ULK4: variants seen among roughly 807,000 people sequenced by gnomAD.
ULK4 encodes inactive serine/threonine-protein kinase ULK4.
ULK4 carries 133 observed loss-of-function variants against 160.6 expected under a neutral mutation model. The observed-to-expected ratio is 0.83, with a 90% CI of 0.72 to 0.96. The LOEUF (loss-of-function observed/expected upper bound fraction) is 0.96. Ranked by LOEUF, ULK4 falls within the 40% of genes least tolerant of loss-of-function variation. The pLI is 0.00. For missense variants in ULK4, 1,580 were observed against 1,499.5 expected, an observed-to-expected ratio of 1.05 and a Z score of -0.89; for synonymous variants, 534 against 539.8, an observed-to-expected ratio of 0.99 and a Z score of 0.15.
intron 35 of ULK4, among the ~76,000 whole-genome samples, chr3:41,274,843 AC>A: frequency 6.6e-6 from 1 of 152,278 alleles, no homozygotes; most frequent in Non-Finnish European, 1.5e-5. Flanking sequence ...GGATTCATGT[AC>A]CAAGGACTTC....
At chr3:41,524,215 A>T (rs2086031620) in intron 32 of ULK4, among the ~76,000 whole-genome samples, 1 of 152,196 alleles carries the variant, frequency 6.6e-6, no homozygotes, top group African/African-American at 2.4e-5. Context: ...ATACACTAAA[A>T]ACCACTGAAT....
chr3:41,640,690 G>C lies in ULK4; in HGVS notation c.3071+22917C>G, dbSNP rs543480069. Among the ~76,000 whole-genome samples, 5 of 152,274 alleles carry C rather than the reference G, an allele frequency of 3.3e-5. No homozygotes were observed. In the South Asian group the frequency reaches 1.0e-3, roughly 32 times the overall value. On this transcript the variant is annotated intron_variant, in intron 30 of 36. Transcript: ENST00000301831. The stretch of plus-strand genomic sequence containing the variant: ...ATATGGCCAAAGGCATAGTGTACCT[G>C]AGACTTAATCAATATTCTAGATATA...
intron 30 of ULK4, among the ~76,000 whole-genome samples, chr3:41,628,235 C>A (rs1311310756): frequency 6.6e-6 from 1 of 152,094 alleles, no homozygotes; most frequent in Non-Finnish European, 1.5e-5. Flanking sequence ...TCTGTTGGCT[C>A]TAATGATAAA....
At chr3:41,279,736 A>G (rs889521049) in intron 35 of ULK4, among the ~76,000 whole-genome samples, 1 of 152,220 alleles carries the variant, frequency 6.6e-6, no homozygotes, top group Non-Finnish European at 1.5e-5. Flanking sequence ...GAGAAATAAA[A>G]TCCTTTACAA....
chr3:41,387,741 T>C (rs1259383195), intron 35 of ULK4, among the ~76,000 whole-genome samples: 1 of 152,204 alleles, frequency 6.6e-6, no homozygotes, highest in Non-Finnish European at 1.5e-5. Context: ...CCATGGTGTA[T>C]ATGTGCCACA....
intron 19 of ULK4, among the ~76,000 whole-genome samples, chr3:41,805,222 G>A (rs1448227425): frequency 6.6e-6 from 1 of 152,024 alleles, no homozygotes; most frequent in African/African-American, 2.4e-5. Context: ...TGGATTCCTA[G>A]GTATTTTATT....
In ULK4 at chr3:41,281,133, A is replaced by G. The variant is rs142996422; in HGVS notation, c.3679-31559T>C. Among the ~76,000 whole-genome samples the G allele has an allele frequency of 3.2e-3, 488 of 152,310 alleles. 3 individuals are homozygous for G. The highest frequency in any genetic ancestry group is 0.011 in the African/African-American group (458 of 41,566). On this transcript the variant is annotated intron_variant, in intron 35 of 36. Coordinates refer to ENST00000301831, the MANE Select transcript of ULK4 (RefSeq NM_017886.4). ...AGAAGTTGAATCTCTGAACAGACCA[A>G]TAACAGGTTCTGAAATTGAGGCAAT...
In ULK4 at chr3:41,663,681, T is replaced by G. The variant is rs1559470608; in HGVS notation, c.2997A>C (p.Leu999Phe). Residue 999 changes from leucine (L) to phenylalanine (F), a missense_variant, in exon 30 of 37, where the codon TTA (leucine) becomes TTC (phenylalanine). Physicochemically the swap from Leu to Phe is conservative, Grantham distance 22 (BLOSUM62 0). Transcript: ENST00000301831. Reference sequence around the variant, plus strand: ...CATATGCTGGTACTGGGTCAGGTTCTAAAAGAATGTGCTCATACCTGAAAT... The same window carrying G: ...CATATGCTGGTACTGGGTCAGGTTCGAAAAGAATGTGCTCATACCTGAAAT... ...VLLPQYEHIL[L>F]EPDPVPAYAL... 1 of 1,613,904 alleles carries G rather than the reference T, an allele frequency of 6.2e-7. No individual in the cohort carries two copies. Among genetic ancestry groups the G allele is most frequent in the South Asian group, 1.1e-5 (1 of 91,082 alleles).
chr3:41,771,641 G>A (rs947007488), intron 21 of ULK4, among the ~76,000 whole-genome samples: 5 of 151,694 alleles, frequency 3.3e-5, no homozygotes, highest in Admixed American at 2.0e-4. Context: ...CATGTGGTAG[G>A]AAGACCATAA....
intron 32 of ULK4, among the ~76,000 whole-genome samples, chr3:41,517,564 G>A (rs2085791238): frequency 6.6e-6 from 1 of 152,142 alleles, no homozygotes; most frequent in African/African-American, 2.4e-5. Context: ...ATAAATTTCT[G>A]TTCTTCATAA....
At chr3:41,337,062 C>A (rs143424235) in intron 35 of ULK4, among the ~76,000 whole-genome samples, 25 of 152,226 alleles carry the variant, frequency 1.6e-4, no homozygotes, top group Non-Finnish European at 3.1e-4. Flanking sequence ...GCTCCATTTT[C>A]TAGATGGGGA....
At chr3:41,772,082 G>C (rs550392308) in intron 21 of ULK4, among the ~76,000 whole-genome samples, 1 of 152,158 alleles carries the variant, frequency 6.6e-6, no homozygotes, top group Admixed American at 6.5e-5. Context: ...CTGTGTAGAG[G>C]GAAGTTTATA....
chr3:41,526,066 C>G (rs1274206560), intron 32 of ULK4, among the ~76,000 whole-genome samples: 1 of 152,166 alleles, frequency 6.6e-6, no homozygotes, highest in Non-Finnish European at 1.5e-5. Flanking sequence ...CCTAAGCTCC[C>G]CAGTTTGCTC....
chr3:41,609,586 T>C (rs1228252029), intron 31 of ULK4, among the ~76,000 whole-genome samples: 3 of 152,236 alleles, frequency 2.0e-5, no homozygotes, highest in South Asian at 2.1e-4. Flanking sequence ...TGAATGGGTA[T>C]AGATGTAGAT....
At chr3:41,382,806 T>C (rs2081697410) in intron 35 of ULK4, among the ~76,000 whole-genome samples, 1 of 152,190 alleles carries the variant, frequency 6.6e-6, no homozygotes, top group Admixed American at 6.6e-5. Flanking sequence ...ACTTAAAACC[T>C]GACACCAAAC....
chr3:41,831,531 A>ATATATATATATTTTTTTTT lies in ULK4; in HGVS notation c.1764+4332_1764+4333insAAAAAAAAATATATATATA. ...TTATTGTTATTTTATATATATATAT[A>ATATATATATATTTTTTTTT]TTTTTTTTTCTTTCTTAAACTTTAG... On this transcript the variant is annotated intron_variant, in intron 18 of 36. Transcript: ENST00000301831. 9.7e-4 allele frequency among the ~76,000 whole-genome samples: 134 copies of ATATATATATATTTTTTTTT among 138,086 alleles called. 3 individuals are homozygous for ATATATATATATTTTTTTTT. The East Asian group carries it at 0.026, about 26-fold the overall frequency. The allele number at this position is 138,086 out of a possible 152,430, so 90.6% of individuals were successfully genotyped here. A position where few individuals can be genotyped will look rare whatever the true frequency, so the allele number is the denominator to read the frequency against.
chr3:41,874,652 A>C (rs1292693154), intron 17 of ULK4, among the ~76,000 whole-genome samples: 1 of 152,222 alleles, frequency 6.6e-6, no homozygotes, highest in African/African-American at 2.4e-5. Flanking sequence ...GCGGGAGCTA[A>C]GCTATGAGTA....
chr3:41,463,113 A>G lies in ULK4; in HGVS notation c.3367T>C (p.Ser1123Pro), dbSNP rs1296259486. The change falls in exon 33 of 37, where the codon TCC becomes CCC. Residue 1123 changes from serine (S) to proline (P), a missense_variant. Physicochemically the swap from Ser to Pro is moderately conservative, Grantham distance 74. Transcript: ENST00000301831. ...TGCAAAGCCAGCCGTACAATACCGG[A>G]GGTATAGGTCAGCATGCTGTGCAAA... Reference protein sequence around the residue: ...DILHSMLTYTSGIVRLALQAQ... With the variant: ...DILHSMLTYTPGIVRLALQAQ... 3.1e-6 allele frequency: 5 copies of G among 1,613,508 alleles called. No individual in the cohort carries two copies. The highest frequency in any genetic ancestry group is 3.4e-6 in the Non-Finnish European group (4 of 1,179,696).
intron 32 of ULK4, among the ~76,000 whole-genome samples, chr3:41,496,047 CAAT>C (rs1206150498): frequency 6.6e-6 from 1 of 151,672 alleles, no homozygotes; most frequent in African/African-American, 2.4e-5. Context: ...AAAAGTCAAA[CAAT>C]AAAGTAGTAT....
Sources: allele counts gnomAD v4.1 joint callset (sites outside exome capture counted in the v4.1 genomes callset), GRCh38; gene constraint gnomAD v4.1.1; transcripts MANE v1.5; gene names NCBI Gene and HGNC (gene_info 2026-07-23, HGNC 2026-07-21).